The following TOGARAM1 variants were observed in gnomAD, a reference collection of about 807,000 sequenced individuals.
The protein encoded by TOGARAM1 is TOG array regulator of axonemal microtubules protein 1.
TOGARAM1 carries 100 observed loss-of-function variants against 166.6 expected under a neutral mutation model. The observed-to-expected ratio is 0.60, with a 90% CI of 0.51 to 0.71. TOGARAM1 has a LOEUF of 0.71. Among genes scored for constraint, TOGARAM1 ranks in the 30% least tolerant of loss-of-function variants. The pLI is 0.00. For synonymous variants in TOGARAM1, 758 were observed against 763.8 expected (o/e 0.99, Z 0.13); for missense variants, 2,029 against 2,102.7 (o/e 0.96, Z 0.69).
intron 7 of TOGARAM1, among the ~76,000 whole-genome samples, chr14:45,019,223 C>T (rs1202789125): frequency 6.6e-6 from 1 of 152,112 alleles, no homozygotes; most frequent in African/African-American, 2.4e-5. Context: ...CTATCATTTA[C>T]TCTCAGTCTA....
intron 11 of TOGARAM1, among the ~76,000 whole-genome samples, chr14:45,041,464 A>G (rs2138943730): frequency 6.6e-6 from 1 of 152,326 alleles, no homozygotes; most frequent in East Asian, 1.9e-4. Flanking sequence ...TTTATCCCAA[A>G]GTTTTTACGA....
At chr14:45,002,119 C>T (rs190741319) in intron 3 of TOGARAM1, among the ~76,000 whole-genome samples, 2 of 152,132 alleles carry the variant, frequency 1.3e-5, no homozygotes, top group African/African-American at 2.4e-5. Context: ...TTTTAACTAC[C>T]CTTTTTTGCA....
At chr14:45,061,321 A>G (rs1009061665) in intron 16 of TOGARAM1, among the ~76,000 whole-genome samples, 34 of 152,320 alleles carry the variant, frequency 2.2e-4, no homozygotes, top group African/African-American at 7.9e-4. Context: ...TCAGCAAATG[A>G]TTCTCCAGCA....
intron 7 of TOGARAM1, among the ~76,000 whole-genome samples, chr14:45,014,020 A>C (rs1171424553): frequency 6.7e-6 from 1 of 148,616 alleles, no homozygotes; most frequent in African/African-American, 2.5e-5. Flanking sequence ...TGCAATATTT[A>C]GTGTTTTCCA....
Position 45,006,128 on chromosome 14 carries a change from T to G in TOGARAM1, c.2765T>G (p.Leu922Arg), listed in dbSNP as rs1253406446. 6.2e-7 allele frequency: 1 copy of G among 1,613,968 alleles called. No individual in the cohort carries two copies. Among genetic ancestry groups the G allele is most frequent in the African/African-American group, 1.3e-5 (1 of 74,924 alleles). The change falls in exon 5 of 20, where the codon CTT becomes CGT. Residue 922 changes from leucine to arginine, a missense_variant. Physicochemically the swap from Leu to Arg is moderately radical, Grantham distance 102 (BLOSUM62 -2). Around this residue, in one of 2 missense-constraint regions of TOGARAM1, gnomAD observed 1,453 missense variants for 1,432.2 expected, o/e 1.01. Transcript: ENST00000361462. ...PVPPIPRGIS[L>R]LPDKADLSTV... Reference sequence around the variant, plus strand: ...CCTCCCATACCAAGGGGAATAAGCCTTTTGCCTGATAAAGCTGATTTAAGC... The same window carrying G: ...CCTCCCATACCAAGGGGAATAAGCCGTTTGCCTGATAAAGCTGATTTAAGC...
At chr14:45,033,379 C>A (rs1321666391) in intron 11 of TOGARAM1, among the ~76,000 whole-genome samples, 2 of 152,112 alleles carry the variant, frequency 1.3e-5, no homozygotes, top group East Asian at 1.9e-4. Context: ...AGGTAATAGG[C>A]GTTTTAGACT....
intron 11 of TOGARAM1, among the ~76,000 whole-genome samples, chr14:45,036,660 T>TATA (rs1332967991): frequency 2.6e-5 from 4 of 152,198 alleles, no homozygotes; most frequent in Non-Finnish European, 2.9e-5. Flanking sequence ...AGAGATCAGA[T>TATA]ATAAGTTAAC....
At position 45,045,577 on chromosome 14, in the gene TOGARAM1, ATATATATGTGTGTG is replaced by A. The variant is rs1296813214; in HGVS notation, c.4154+709_4154+722del. 4.1e-3 allele frequency among the ~76,000 whole-genome samples: 152 copies of A among 37,484 alleles called. 2 individuals are homozygous for A. Among genetic ancestry groups the A allele is most frequent in the African/African-American group, 0.013 (81 of 6,230 alleles). 24.6% of individuals were successfully genotyped at this position (37,484 alleles called of 152,430 possible). ...TATATATATATATATATATATATAT[ATATATATGTGTGTG>A]TGTGTGTGTGTGTGTGTGTGTGTGT... On this transcript the variant is annotated intron_variant, in intron 13 of 19. Coordinates refer to ENST00000361462, the MANE Select transcript of TOGARAM1 (RefSeq NM_001308120.2).
intron 7 of TOGARAM1, among the ~76,000 whole-genome samples, chr14:45,016,326 G>A (rs930050772): frequency 6.6e-6 from 1 of 152,184 alleles, no homozygotes; most frequent in African/African-American, 2.4e-5. Flanking sequence ...AGCCTGAGAG[G>A]CAGAGGTTGC....
At chr14:44,979,507 G>A (rs962818772) in intron 1 of TOGARAM1, among the ~76,000 whole-genome samples, 16 of 152,116 alleles carry the variant, frequency 1.1e-4, no homozygotes, top group African/African-American at 3.6e-4. Context: ...CTACCATCAC[G>A]TTGGGGATTA....
At chr14:44,982,942 C>A (rs1432627462) in intron 1 of TOGARAM1, among the ~76,000 whole-genome samples, 1 of 151,958 alleles carries the variant, frequency 6.6e-6, no homozygotes, top group Non-Finnish European at 1.5e-5. Flanking sequence ...CAACAAATAC[C>A]TGTTAAATAA....
At chr14:45,043,338 C>T (rs1473391560) in intron 11 of TOGARAM1, among the ~76,000 whole-genome samples, 1 of 152,018 alleles carries the variant, frequency 6.6e-6, no homozygotes, top group African/African-American at 2.4e-5. Context: ...CCACCATGCC[C>T]AGCTGATTTT....
intron 1 of TOGARAM1, among the ~76,000 whole-genome samples, chr14:44,987,211 T>A (rs968428466): frequency 6.6e-6 from 1 of 151,754 alleles, no homozygotes; most frequent in Non-Finnish European, 1.5e-5. Context: ...AGTGCTGGGA[T>A]TACAAGTGTG....
Position 44,962,489 on chromosome 14 carries a change from A to AG in TOGARAM1, c.69dup (p.Ser24GlufsTer12), listed in dbSNP as rs771166670. The AG allele has an allele frequency of 2.5e-6, 4 of 1,610,492 alleles. No homozygotes were observed. In the African/African-American group the frequency reaches 4.0e-5, roughly 16 times the overall value. On this transcript the variant is annotated frameshift_variant, in exon 1 of 20. Transcript: ENST00000361462. LOFTEE classifies it high-confidence loss of function. ...CCAGTCCTCTCTACCTATCGGCTCC[A>AG]GAGCCGCAGTCGTCCTTCCGCCCCA... is the stretch of plus-strand genomic sequence containing the variant.
At chr14:45,008,387 C>T (rs1213513398) in intron 5 of TOGARAM1, among the ~76,000 whole-genome samples, 1 of 152,000 alleles carries the variant, frequency 6.6e-6, no homozygotes, top group Non-Finnish European at 1.5e-5. Context: ...TGCACGTGTC[C>T]ACCACCATGC....
intron 1 of TOGARAM1, among the ~76,000 whole-genome samples, chr14:44,973,315 G>A (rs1174351267): frequency 6.6e-6 from 1 of 151,076 alleles, no homozygotes; most frequent in African/African-American, 2.4e-5. Flanking sequence ...ACTAATCCAC[G>A]TTCACTTTCA....
intron 1 of TOGARAM1, among the ~76,000 whole-genome samples, chr14:44,990,028 G>A (rs1887045304): frequency 6.6e-6 from 1 of 152,112 alleles, no homozygotes; most frequent in Non-Finnish European, 1.5e-5. Context: ...ACAGCATGGG[G>A]GACATGGTCC....
chr14:45,013,928 T>C (rs1259630304), intron 7 of TOGARAM1, among the ~76,000 whole-genome samples: 1 of 152,184 alleles, frequency 6.6e-6, no homozygotes, highest in Non-Finnish European at 1.5e-5. Flanking sequence ...TTGAGTTCCC[T>C]TGTGACCCTA....
At position 45,054,459 on chromosome 14, in the gene TOGARAM1, C is replaced by T; in HGVS notation, c.4469C>T (p.Pro1490Leu). The T allele has an allele frequency of 6.2e-7, 1 of 1,612,702 alleles. No individual in the cohort carries two copies. Among genetic ancestry groups the T allele is most frequent in the Non-Finnish European group, 8.5e-7 (1 of 1,179,202 alleles). The change falls in exon 16 of 20, where the codon CCT becomes CTT. Residue 1490 changes from proline to leucine, a missense_variant. By Grantham distance (98) the Pro-to-Leu change is moderately conservative. Coordinates refer to ENST00000361462, the MANE Select transcript of TOGARAM1 (RefSeq NM_001308120.2). ...KGLGEIPLDT[P>L]SAKGRRSHTG... ...TTGGGGGAGATACCATTAGATACTC[C>T]TTCAGCAAAAGGAAGACGATCTCAT...
Sources: gnomAD v4.1 joint callset for allele counts (sites outside exome capture counted in the v4.1 genomes callset) on GRCh38, gnomAD v4.1.1 for gene constraint, gnomAD v4.1.1 regional missense constraint, MANE v1.5 for transcripts, NCBI Gene and HGNC (gene_info 2026-07-23, HGNC 2026-07-21) for gene names.